The following PCDH11X variants were observed in gnomAD, a reference collection of about 807,000 sequenced individuals.
PCDH11X encodes protocadherin-11 X-linked.
In PCDH11X, 18 loss-of-function variants were observed where a neutral mutation model predicts 53.3. The observed-to-expected ratio is 0.34, with a 90% CI of 0.23 to 0.50. The LOEUF (loss-of-function observed/expected upper bound fraction) is 0.50, where lower values mean the gene tolerates loss of function less well. Among genes scored for constraint, PCDH11X ranks in the 20% least tolerant of loss-of-function variants. The pLI, the probability that PCDH11X is intolerant of heterozygous loss-of-function variation, is 0.98. For synonymous variants in PCDH11X, 279 were observed against 393.3 expected (o/e 0.71, Z 3.44); for missense variants, 570 against 1,032.4 (o/e 0.55, Z 6.14).
chrX:91,990,836 T>C (rs2062310016), intron 6 of PCDH11X, among the ~76,000 whole-genome samples: 1 of 105,381 alleles, frequency 9.5e-6, no homozygotes, highest in Non-Finnish European at 1.9e-5. Context: ...CCCTGAACTT[T>C]GGGGGGCTAG....
chrX:92,080,181 G>A (rs774555186), intron 6 of PCDH11X, among the ~76,000 whole-genome samples: 9 of 110,734 alleles, frequency 8.1e-5, no homozygotes, highest in African/African-American at 3.0e-4. Flanking sequence ...AGAAAAGGGA[G>A]GGAAATAGAT....
intron 1 of PCDH11X, among the ~76,000 whole-genome samples, chrX:91,794,319 G>A (rs1446515992): frequency 4.5e-5 from 5 of 111,480 alleles, no homozygotes; most frequent in Non-Finnish European, 9.4e-5. Context: ...TAAATGGCTT[G>A]CCTAAAGTCA....
chrX:92,435,823 T>C (rs904855545), intron 9 of PCDH11X, among the ~76,000 whole-genome samples: 11 of 111,166 alleles, frequency 9.9e-5, no homozygotes, highest in African/African-American at 3.6e-4. Flanking sequence ...GCTACCAGCC[T>C]ATATAAAAAC....
intron 9 of PCDH11X, among the ~76,000 whole-genome samples, chrX:92,419,870 C>T (rs867449753): frequency 1.8e-5 from 2 of 108,167 alleles, no homozygotes; most frequent in Non-Finnish European, 3.8e-5. Context: ...TTAGTAGAGA[C>T]GGGGTTTCAC....
At chrX:92,235,283 T>A (rs967212676) in intron 7 of PCDH11X, among the ~76,000 whole-genome samples, 19 of 111,305 alleles carry the variant, frequency 1.7e-4, no homozygotes, top group African/African-American at 6.2e-4. Context: ...AGGCTTTGCA[T>A]GATTGGGTTG....
chrX:91,943,923 A>G (rs772365608), intron 6 of PCDH11X, among the ~76,000 whole-genome samples: 2 of 106,746 alleles, frequency 1.9e-5, no homozygotes, highest in Admixed American at 1.0e-4. Flanking sequence ...CCATTAAAAC[A>G]TCCAATAAAC....
intron 6 of PCDH11X, among the ~76,000 whole-genome samples, chrX:92,076,749 A>G (rs1396346696): frequency 8.9e-6 from 1 of 112,205 alleles, no homozygotes; most frequent in Non-Finnish European, 1.9e-5. Flanking sequence ...TCTGAGTTGA[A>G]TACATAAATA....
chrX:92,143,968 G>A (rs112338788), intron 6 of PCDH11X, among the ~76,000 whole-genome samples: 4,363 of 111,835 alleles, frequency 0.039, 198 homozygotes, highest in African/African-American at 0.13. Flanking sequence ...GTGAGACCTG[G>A]AGTCAAAGGA....
At chrX:92,589,389 CAT>C (rs965513653) in intron 10 of PCDH11X, among the ~76,000 whole-genome samples, 2 of 111,547 alleles carry the variant, frequency 1.8e-5, no homozygotes, top group Non-Finnish European at 3.8e-5. Flanking sequence ...CTTTTCAAGA[CAT>C]AAACAGTACA....
chrX:91,907,899 C>G (rs1168603382), intron 6 of PCDH11X, among the ~76,000 whole-genome samples: 1 of 111,613 alleles, frequency 9.0e-6, no homozygotes, highest in Admixed American at 9.6e-5. Context: ...TTTTCTATTC[C>G]TGTGTTAGTT....
At chrX:92,586,107 CA>C (rs1056654361) in intron 10 of PCDH11X, among the ~76,000 whole-genome samples, 2 of 84,563 alleles carry the variant, frequency 2.4e-5, no homozygotes, top group African/African-American at 4.8e-5. Context: ...ACTGATAATA[CA>C]AAAAAATGCT....
Position 92,622,631 on chromosome X carries a change from T to C in PCDH11X, c.*3691T>C, listed in dbSNP as rs1367424429. On this transcript the variant is annotated 3_prime_UTR_variant, in exon 11 of 11. Coordinates refer to ENST00000682573, the MANE Select transcript of PCDH11X (RefSeq NM_032968.5). ...AGAAACTATTTTGAATGCTTCCAAC[T>C]GGCTCAATTGGCCGGGAAAACATGG... 2.7e-5 allele frequency: 3 copies of C among 111,304 alleles called. No individual in the cohort carries two copies. Among genetic ancestry groups the C allele is most frequent in the Non-Finnish European group, 1.9e-5 (1 of 52,928 alleles). 9.2% of individuals were successfully genotyped at this position (111,304 alleles called of 1,213,427 possible). A position where few individuals can be genotyped will look rare whatever the true frequency, so the allele number is the denominator to read the frequency against.
intron 10 of PCDH11X, among the ~76,000 whole-genome samples, chrX:92,507,730 T>A (rs1404425532): frequency 9.0e-6 from 1 of 111,682 alleles, no homozygotes; most frequent in African/African-American, 3.3e-5. Flanking sequence ...TGACCTAGCA[T>A]GCTCCTAAGA....
chrX:92,334,134 A>G (rs932184269), intron 8 of PCDH11X, among the ~76,000 whole-genome samples: 26 of 111,841 alleles, frequency 2.3e-4, no homozygotes, highest in African/African-American at 8.1e-4. Context: ...AGAAAAAGGT[A>G]TGCCATGAAT....
intron 10 of PCDH11X, among the ~76,000 whole-genome samples, chrX:92,547,121 A>C (rs1175982952): frequency 9.3e-6 from 1 of 108,022 alleles, no homozygotes; most frequent in Non-Finnish European, 1.9e-5. Context: ...GTTTTGTTAG[A>C]AAATACTATT....
At chrX:92,357,810 A>G (rs1204342232) in intron 8 of PCDH11X, among the ~76,000 whole-genome samples, 1 of 111,473 alleles carries the variant, frequency 9.0e-6, no homozygotes, top group Non-Finnish European at 1.9e-5. Context: ...TTTATTATGT[A>G]TCTTTTCAGT....
intron 6 of PCDH11X, among the ~76,000 whole-genome samples, chrX:91,970,781 G>T (rs374050210): frequency 3.6e-5 from 4 of 111,675 alleles, no homozygotes; most frequent in Non-Finnish European, 1.9e-5. Flanking sequence ...AAAATATTCA[G>T]GTTCCGCATC....
chrX:92,120,657 G>A (rs5984890), intron 6 of PCDH11X, among the ~76,000 whole-genome samples: 1,391 of 111,928 alleles, frequency 0.012, 19 homozygotes, highest in African/African-American at 0.042. Context: ...TTTTAGATTC[G>A]TGAAGAAAGC....
At chrX:92,565,702 A>G (rs1327811888) in intron 10 of PCDH11X, among the ~76,000 whole-genome samples, 2 of 107,904 alleles carry the variant, frequency 1.9e-5, no homozygotes, top group African/African-American at 6.7e-5. Flanking sequence ...AATTAGAAAA[A>G]ACGAATAAGA....
Sources: allele counts gnomAD v4.1 joint callset (sites outside exome capture counted in the v4.1 genomes callset), GRCh38; gene constraint gnomAD v4.1.1; transcripts MANE v1.5; gene names NCBI Gene and HGNC (gene_info 2026-07-23, HGNC 2026-07-21).